The following BMPR1B variants were observed in gnomAD, a reference collection of about 807,000 sequenced individuals.
BMPR1B encodes bone morphogenetic protein receptor type-1B.
Under a neutral mutation model 59.1 loss-of-function variants are expected in BMPR1B, and 12 were observed. That is an observed-to-expected ratio of 0.20 (90% confidence interval 0.13 to 0.33). The LOEUF (loss-of-function observed/expected upper bound fraction) is 0.33, where lower values mean the gene tolerates loss of function less well. Ranked by LOEUF, BMPR1B falls within the 10% of genes least tolerant of loss-of-function variation. BMPR1B has a pLI of 1.00. For missense variants in BMPR1B, 550 were observed against 610.9 expected (o/e 0.90, Z 1.05); for synonymous variants, 237 against 207.3 (o/e 1.14, Z -1.23).
chr4:94,773,454 A>G (rs1213399377), intron 1 of BMPR1B, among the ~76,000 whole-genome samples: 2 of 152,094 alleles, frequency 1.3e-5, no homozygotes, highest in Non-Finnish European at 2.9e-5. Flanking sequence ...AAATCTAATA[A>G]TTATACAGAG....
intron 3 of BMPR1B, among the ~76,000 whole-genome samples, chr4:95,006,143 C>T (rs933898666): frequency 5.9e-5 from 9 of 151,818 alleles, no homozygotes; most frequent in Non-Finnish European, 8.8e-5. Context: ...TGGTGGTAGG[C>T]GCCTGTAATC....
At chr4:94,847,322 G>A (rs1392609050) in intron 1 of BMPR1B, among the ~76,000 whole-genome samples, 3 of 152,170 alleles carry the variant, frequency 2.0e-5, no homozygotes, top group Admixed American at 6.5e-5. Context: ...GGGAATCCTT[G>A]TACACTGTTC....
At chr4:94,937,501 A>G (rs1729356837) in intron 2 of BMPR1B, among the ~76,000 whole-genome samples, 2 of 152,196 alleles carry the variant, frequency 1.3e-5, no homozygotes, top group Admixed American at 6.5e-5. Context: ...CATTGAATAA[A>G]TAAACTGACT....
chr4:94,801,372 A>G (rs1482235129), intron 1 of BMPR1B, among the ~76,000 whole-genome samples: 3 of 152,216 alleles, frequency 2.0e-5, no homozygotes, highest in Non-Finnish European at 4.4e-5. Context: ...ATGCCTTAGT[A>G]TACATTCAAC....
intron 3 of BMPR1B, among the ~76,000 whole-genome samples, chr4:95,036,805 G>C (rs540934801): frequency 1.4e-5 from 2 of 146,834 alleles, no homozygotes; most frequent in East Asian, 2.0e-4. Context: ...ACTGTTTTCT[G>C]TAGTGGTTGT....
At chr4:95,055,947 T>C (rs1230931978) in intron 3 of BMPR1B, among the ~76,000 whole-genome samples, 1 of 152,232 alleles carries the variant, frequency 6.6e-6, no homozygotes, top group Non-Finnish European at 1.5e-5. Context: ...GATATTTTAT[T>C]GATTTAGAAC....
intron 3 of BMPR1B, among the ~76,000 whole-genome samples, chr4:95,029,006 A>G (rs1328349331): frequency 6.6e-6 from 1 of 150,998 alleles, no homozygotes; most frequent in Non-Finnish European, 1.5e-5. Context: ...GATAATTGAA[A>G]TGATCTCTTA....
chr4:94,900,222 C>T (rs1275612618), intron 2 of BMPR1B, among the ~76,000 whole-genome samples: 2 of 151,360 alleles, frequency 1.3e-5, no homozygotes, highest in Non-Finnish European at 1.5e-5. Context: ...CGCTAGGTTC[C>T]CAAATCTGCT....
intron 1 of BMPR1B, among the ~76,000 whole-genome samples, chr4:94,800,729 A>G (rs1405079352): frequency 1.3e-5 from 2 of 152,250 alleles, no homozygotes; most frequent in Non-Finnish European, 2.9e-5. Flanking sequence ...TGGAGGGTCA[A>G]GAGAACCTGT....
intron 1 of BMPR1B, among the ~76,000 whole-genome samples, chr4:94,862,861 C>G (rs192935743): frequency 2.0e-5 from 3 of 150,720 alleles, no homozygotes; most frequent in East Asian, 4.0e-4. Flanking sequence ...AGGAGAATGG[C>G]GTCAACCCGG....
chr4:94,946,413 T>C (rs188118714), intron 2 of BMPR1B, among the ~76,000 whole-genome samples: 2 of 152,216 alleles, frequency 1.3e-5, no homozygotes, highest in Non-Finnish European at 1.5e-5. Context: ...AGTTTTTATA[T>C]ATCACTTAAC....
Position 95,154,939 on chromosome 4 carries a change from A to G in BMPR1B, c.*266A>G. On this transcript the variant is annotated 3_prime_UTR_variant, in exon 13 of 13. Transcript: ENST00000515059. ...GATATGATGCATGTTGCTTTCTAAG[A>G]AAGCCCTGTATTTTGTGATTGCCTT... 2.3e-6 allele frequency: 1 copy of G among 441,104 alleles called. No homozygotes were observed. The highest frequency in any genetic ancestry group is 4.1e-6 in the Non-Finnish European group (1 of 242,822). 27.3% of individuals were successfully genotyped at this position (441,104 alleles called of 1,614,324 possible).
At chr4:95,011,423 T>A (rs1409571386) in intron 3 of BMPR1B, among the ~76,000 whole-genome samples, 2 of 152,164 alleles carry the variant, frequency 1.3e-5, no homozygotes, top group East Asian at 3.8e-4. Context: ...ACCTAGTATC[T>A]CTCTCTTTTT....
At chr4:94,825,545 C>CT (rs919082226) in intron 1 of BMPR1B, among the ~76,000 whole-genome samples, 15 of 151,032 alleles carry the variant, frequency 9.9e-5, no homozygotes, top group Admixed American at 2.6e-4. Context: ...ATAGTACCAT[C>CT]TTTTTTTTTA....
chr4:94,830,123 A>T (rs748957677), intron 1 of BMPR1B, among the ~76,000 whole-genome samples: 5 of 152,328 alleles, frequency 3.3e-5, no homozygotes, highest in African/African-American at 1.2e-4. Context: ...GTATGTTTAT[A>T]TTAAATAACT....
chr4:94,763,488 T>G lies in BMPR1B; in HGVS notation c.-183+5420T>G, dbSNP rs1721855554. Among the ~76,000 whole-genome samples the G allele has an allele frequency of 2.0e-5, 3 of 152,236 alleles. No homozygotes were observed. In the South Asian group the frequency reaches 6.2e-4, roughly 31 times the overall value. On this transcript the variant is annotated intron_variant, in intron 1 of 12. Transcript: ENST00000515059. Reference sequence around the variant, plus strand: ...CTTTCAACAAGGATATGGCTGCATGTGGCGTCAGCTTTGGAAGATATTAAG... The same window carrying G: ...CTTTCAACAAGGATATGGCTGCATGGGGCGTCAGCTTTGGAAGATATTAAG...
At chr4:94,917,937 T>C (rs1232652251) in intron 2 of BMPR1B, among the ~76,000 whole-genome samples, 1 of 152,110 alleles carries the variant, frequency 6.6e-6, no homozygotes, top group Non-Finnish European at 1.5e-5. Flanking sequence ...TGAGTTCTTG[T>C]GGGATCTGGT....
intron 3 of BMPR1B, among the ~76,000 whole-genome samples, chr4:95,027,063 C>T (rs1452590759): frequency 2.0e-5 from 3 of 152,020 alleles, no homozygotes; most frequent in African/African-American, 4.8e-5. Context: ...CTATGCTCAG[C>T]CAAGATTTTT....
At chr4:94,758,531 C>G (rs1303598349) in intron 1 of BMPR1B, among the ~76,000 whole-genome samples, 1 of 151,858 alleles carries the variant, frequency 6.6e-6, no homozygotes, top group South Asian at 2.1e-4. Context: ...CCCGGCGGGG[C>G]GGGGGCCCAG....
Sources: allele counts gnomAD v4.1 joint callset (sites outside exome capture counted in the v4.1 genomes callset), GRCh38; gene constraint gnomAD v4.1.1; transcripts MANE v1.5; gene names NCBI Gene and HGNC (gene_info 2026-07-23, HGNC 2026-07-21).